Variants in ESM1 observed in about 807,000 individuals in gnomAD.
ESM1 encodes the protein endothelial cell specific molecule 1, also known as endothelial cell-specific molecule 1.
Under a neutral mutation model 14.9 loss-of-function variants are expected in ESM1, and 7 were observed. The observed-to-expected ratio is 0.47, with a 90% CI of 0.27 to 0.88. The LOEUF (loss-of-function observed/expected upper bound fraction) is 0.88, where lower values mean the gene tolerates loss of function less well. ESM1 is among the 40% of genes least tolerant of loss of function. The pLI, the probability that ESM1 is intolerant of heterozygous loss-of-function variation, is 0.14. For synonymous variants in ESM1, 89 were observed against 89.4 expected (o/e 1.00, Z 0.02); for missense variants, 192 against 237.9 (o/e 0.81, Z 1.27).
rs146246463 is a variant in ESM1 at position 54,980,091 on chromosome 5, G to A, written c.452-656C>T. Among the ~76,000 whole-genome samples the A allele has an allele frequency of 5.8e-3, 890 of 152,270 alleles. 3 individuals carry two copies. Among genetic ancestry groups the A allele is most frequent in the African/African-American group, 8.4e-3 (350 of 41,558 alleles). ...AGAAGATTAGCGTGGCCCAGCAGAC[G>A]AATGTGTGTAAGTCCATGAAACATT... On this transcript the variant is annotated intron_variant, in intron 2 of 2. Coordinates refer to ENST00000381405, the MANE Select transcript of ESM1 (RefSeq NM_007036.5).
chr5:54,985,101 A>G (rs919072894), intron 1 of ESM1, 116 bp downstream of exon 1: 22 of 921,466 alleles, frequency 2.4e-5, no homozygotes, highest in African/African-American at 5.0e-5. Context: ...TGCCTTGTCA[A>G]GAATCCACCT....
In ESM1 at chr5:54,985,396, G is replaced by A; in HGVS notation, c.122C>T (p.Pro41Leu). 3 of 1,614,176 alleles carry A rather than the reference G, an allele frequency of 1.9e-6. No individual in the cohort carries two copies. Among genetic ancestry groups the A allele is most frequent in the Non-Finnish European group, 8.5e-7 (1 of 1,180,028 alleles). Residue 41 changes from proline to leucine, a missense_variant, in exon 1 of 3, where the codon CCG (proline) becomes CTG (leucine). Physicochemically the swap from Pro to Leu is moderately conservative, Grantham distance 98 (BLOSUM62 -3). Transcript: ENST00000381405. ...GTCGAGCACTGTCCTCTTGCAGCGCGGGCTGCTTTTGCACTCACTGCTGTC... is the reference window on the plus strand; with the variant it reads ...GTCGAGCACTGTCCTCTTGCAGCGCAGGCTGCTTTTGCACTCACTGCTGTC... ...HCDSSECKSS[P>L]RCKRTVLDDC...
chr5:54,979,637 C>G (rs1203860243), intron 2 of ESM1, among the ~76,000 whole-genome samples: 2 of 152,168 alleles, frequency 1.3e-5, no homozygotes, highest in African/African-American at 4.8e-5. Context: ...CTTTGTATAC[C>G]TATCGTCACC....
chr5:54,979,142 C>T lies in ESM1; in HGVS notation c.*190G>A. ...CATTCGAATATTTAACAAACACATA[C>T]AAGTGTTCAGTCATATGGATGTTAT... On this transcript the variant is annotated 3_prime_UTR_variant, in exon 3 of 3. Coordinates refer to ENST00000381405, the MANE Select transcript of ESM1 (RefSeq NM_007036.5). 1 of 552,924 alleles carries T rather than the reference C, an allele frequency of 1.8e-6. No homozygotes were observed. The highest frequency in any genetic ancestry group is 3.2e-6 in the Non-Finnish European group (1 of 309,112). The allele number at this position is 552,924 out of a possible 1,614,324, so 34.3% of individuals were successfully genotyped here.
At chr5:54,979,770 G>A (rs1744015737) in intron 2 of ESM1, among the ~76,000 whole-genome samples, 1 of 152,136 alleles carries the variant, frequency 6.6e-6, no homozygotes, top group South Asian at 2.1e-4. Flanking sequence ...CCAGCACTTA[G>A]GACAGTGCTT....
chr5:54,985,393 C>G lies in ESM1; in HGVS notation c.125G>C (p.Arg42Pro), dbSNP rs1435739417. 2 of 1,614,212 alleles carry G rather than the reference C, an allele frequency of 1.2e-6. No individual in the cohort carries two copies. The highest frequency in any genetic ancestry group is 1.7e-6 in the Non-Finnish European group (2 of 1,180,036). The change falls in exon 1 of 3, where the codon CGC (arginine) becomes CCC (proline). Residue 42 changes from arginine (R) to proline (P), a missense_variant. By Grantham distance (103) the Arg-to-Pro change is moderately radical. Transcript: ENST00000381405. ...CDSSECKSSP[R>P]CKRTVLDDCG... ...GTCGTCGAGCACTGTCCTCTTGCAG[C>G]GCGGGCTGCTTTTGCACTCACTGCT...
rs1017739523 is a variant in ESM1, at chr5:54,979,152, G to C, written c.*180C>G. On this transcript the variant is annotated 3_prime_UTR_variant, in exon 3 of 3. Coordinates refer to ENST00000381405, the MANE Select transcript of ESM1 (RefSeq NM_007036.5). ...TTTAACAAACACATACAAGTGTTCA[G>C]TCATATGGATGTTATGGATTGTAAG... The C allele has an allele frequency of 1.7e-5, 10 of 580,252 alleles. No homozygotes were observed. The highest frequency in any genetic ancestry group is 2.8e-5 in the Non-Finnish European group (9 of 323,342). The allele number at this position is 580,252 out of a possible 1,614,324, so 35.9% of individuals were successfully genotyped here. A position where few individuals can be genotyped will look rare whatever the true frequency, so the allele number is the denominator to read the frequency against.
At chr5:54,979,641 C>T (rs1344773118) in intron 2 of ESM1, among the ~76,000 whole-genome samples, 1 of 152,204 alleles carries the variant, frequency 6.6e-6, no homozygotes, top group East Asian at 1.9e-4. Flanking sequence ...GTATACCTAT[C>T]GTCACCTGAC....
At chr5:54,984,957 T>C (rs1429231177) in intron 1 of ESM1, among the ~76,000 whole-genome samples, 2 of 152,210 alleles carry the variant, frequency 1.3e-5, no homozygotes, top group Non-Finnish European at 2.9e-5. Flanking sequence ...CAATCTTCCA[T>C]TGCAGCTTTC....
Position 54,978,058 on chromosome 5 carries a change from C to T in ESM1, c.*1274G>A, listed in dbSNP as rs901865283. The T allele has an allele frequency of 1.3e-5, 2 of 152,106 alleles. No individual in the cohort carries two copies. Among genetic ancestry groups the T allele is most frequent in the African/African-American group, 4.8e-5 (2 of 41,412 alleles). 9.4% of individuals were successfully genotyped at this position (152,106 alleles called of 1,614,324 possible). On this transcript the variant is annotated 3_prime_UTR_variant, in exon 3 of 3. Coordinates refer to ENST00000381405, the MANE Select transcript of ESM1 (RefSeq NM_007036.5). ...GTTCTTCACTTCAAATAAAATACTT[C>T]TGAGATATTTCCTAAGAACATCTAG... is the stretch of plus-strand genomic sequence containing the variant.
intron 1 of ESM1, among the ~76,000 whole-genome samples, chr5:54,984,280 T>C (rs757219421): frequency 6.6e-6 from 1 of 152,168 alleles, no homozygotes; most frequent in African/African-American, 2.4e-5. Context: ...GAAAGCTTCC[T>C]GGTATTACAC....
intron 2 of ESM1, among the ~76,000 whole-genome samples, chr5:54,981,576 T>G (rs1048281028): frequency 6.6e-6 from 1 of 152,252 alleles, no homozygotes; most frequent in African/African-American, 2.4e-5. Flanking sequence ...ATCTTGACTC[T>G]TAAAGCTTAT....
chr5:54,985,190 G>A lies in ESM1; in HGVS notation c.301+27C>T. 7 of 1,563,192 alleles carry A rather than the reference G, an allele frequency of 4.5e-6. No homozygotes were observed. In the South Asian group the frequency reaches 4.8e-5, roughly 11 times the overall value. ...TAAAAGCTCTCAGCATGCCCCGGGA[G>A]GGGAGAGGTAAGGGGTCACTCTTTA... On this transcript the variant is annotated intron_variant, in intron 1 of 2. Coordinates refer to ENST00000381405, the MANE Select transcript of ESM1 (RefSeq NM_007036.5).
intron 2 of ESM1, among the ~76,000 whole-genome samples, chr5:54,980,739 T>C (rs1033710528): frequency 9.9e-5 from 15 of 152,246 alleles, no homozygotes; most frequent in African/African-American, 3.6e-4. Context: ...ATCACCATAC[T>C]TAAAACTAAT....
At chr5:54,983,399 C>A (rs549872571) in intron 1 of ESM1, among the ~76,000 whole-genome samples, 49 of 152,212 alleles carry the variant, frequency 3.2e-4, no homozygotes, top group Non-Finnish European at 6.5e-4. Context: ...ATGTACTGAA[C>A]AGTGCTGGGC....
chr5:54,984,365 A>G (rs1740483133), intron 1 of ESM1, among the ~76,000 whole-genome samples: 1 of 152,178 alleles, frequency 6.6e-6, no homozygotes, highest in Non-Finnish European at 1.5e-5. Context: ...AGATATCTAT[A>G]CGTAGAGTAT....
chr5:54,980,492 C>T (rs1744032182), intron 2 of ESM1, among the ~76,000 whole-genome samples: 1 of 152,130 alleles, frequency 6.6e-6, no homozygotes, highest in South Asian at 2.1e-4. Flanking sequence ...TAGGCAGCCT[C>T]CCCAAGAGGT....
In ESM1 at chr5:54,978,374, T is replaced by C. The variant is rs1349950783; in HGVS notation, c.*958A>G. 1 of 152,076 alleles carries C rather than the reference T, an allele frequency of 6.6e-6. No individual in the cohort carries two copies. Among genetic ancestry groups the C allele is most frequent in the Non-Finnish European group, 1.5e-5 (1 of 68,022 alleles). 9.4% of individuals were successfully genotyped at this position (152,076 alleles called of 1,614,324 possible). ...TTTTTCTTATGCTTATTAAGGTTAT[T>C]ATTACTATAATTATGGATAATAAAT... On this transcript the variant is annotated 3_prime_UTR_variant, in exon 3 of 3. Coordinates refer to ENST00000381405, the MANE Select transcript of ESM1 (RefSeq NM_007036.5).
Position 54,979,331 on chromosome 5 carries a change from A to T in ESM1, c.*1T>A. On this transcript the variant is annotated 3_prime_UTR_variant, in exon 3 of 3. Coordinates refer to ENST00000381405, the MANE Select transcript of ESM1 (RefSeq NM_007036.5). ...CCTTCTCTCAGAAATCACAGCCGGGATCAGCGTGGATTTAACCATTTCCTC... is the reference window on the plus strand; with the variant it reads ...CCTTCTCTCAGAAATCACAGCCGGGTTCAGCGTGGATTTAACCATTTCCTC... The T allele has an allele frequency of 6.2e-7, 1 of 1,607,882 alleles. No homozygotes were observed. Among genetic ancestry groups the T allele is most frequent in the Non-Finnish European group, 8.5e-7 (1 of 1,174,490 alleles).
Sources: allele counts gnomAD v4.1 joint callset (sites outside exome capture counted in the v4.1 genomes callset), GRCh38; gene constraint gnomAD v4.1.1; transcripts MANE v1.5; gene names NCBI Gene and HGNC (gene_info 2026-07-23, HGNC 2026-07-21).